Variants in PPARA observed in about 807,000 individuals in gnomAD.
PPARA encodes the protein peroxisome proliferator activated receptor alpha.
In PPARA, 22 loss-of-function variants were observed where a neutral mutation model predicts 42.2. The observed-to-expected ratio is 0.52, with a 90% CI of 0.37 to 0.74. The LOEUF (loss-of-function observed/expected upper bound fraction) is 0.74, where lower values mean the gene tolerates loss of function less well. Ranked by LOEUF, PPARA falls within the 30% of genes least tolerant of loss-of-function variation. PPARA has a pLI of 0.00. For synonymous variants in PPARA, 242 were observed against 239.3 expected, an observed-to-expected ratio of 1.01 and a Z score of -0.10; for missense variants, 465 against 608.2, an observed-to-expected ratio of 0.76 and a Z score of 2.48.
chr22:46,224,440 C>A lies in PPARA; in HGVS notation c.711+4426C>A, dbSNP rs1935242187. The stretch of plus-strand genomic sequence containing the variant: ...CCCTTACACATCTCAGAAAGCAACC[C>A]CATCTGTGGGCAAGAAATCTGTTAG... On this transcript the variant is annotated intron_variant, in intron 7 of 8. Coordinates refer to ENST00000407236, the MANE Select transcript of PPARA (RefSeq NM_005036.6). The surrounding 1 kb of genome is among the most constrained non-coding windows in gnomAD (Gnocchi z 5.7). Among the ~76,000 whole-genome samples, 1 of 152,190 alleles carries A rather than the reference C, an allele frequency of 6.6e-6. No homozygotes were observed. The highest frequency in any genetic ancestry group is 6.5e-5 in the Admixed American group (1 of 15,286).
chr22:46,197,895 A>C (rs1237862757), intron 3 of PPARA, among the ~76,000 whole-genome samples: 1 of 147,600 alleles, frequency 6.8e-6, no homozygotes, highest in Admixed American at 6.9e-5. Flanking sequence ...CAAGAGCAAG[A>C]CTCTATCTCA....
rs1926322521 is a variant in PPARA at position 46,162,374 on chromosome 22, T to G, written c.-127+10404T>G. 1.3e-5 allele frequency among the ~76,000 whole-genome samples: 2 copies of G among 152,128 alleles called. No homozygotes were observed. The highest frequency in any genetic ancestry group is 2.9e-5 in the Non-Finnish European group (2 of 68,018). ...CCGACACGCTGTCTACACAAACCCC[T>G]TCTGGTTCTTCTCGTGCACTGGGCG... On this transcript the variant is annotated intron_variant, in intron 2 of 8. Transcript: ENST00000407236. The surrounding 1 kb of genome is among the most constrained non-coding windows in gnomAD (Gnocchi z 6.0).
At chr22:46,223,156 A>G (rs1426802133) in intron 7 of PPARA, among the ~76,000 whole-genome samples, 1 of 152,086 alleles carries the variant, frequency 6.6e-6, no homozygotes, top group Non-Finnish European at 1.5e-5. Context: ...ACTCTCTAAA[A>G]AAAATTCGAA....
intron 3 of PPARA, among the ~76,000 whole-genome samples, chr22:46,186,279 T>C (rs1056636225): frequency 9.9e-5 from 15 of 152,064 alleles, no homozygotes; most frequent in African/African-American, 3.6e-4. Flanking sequence ...ATTGTCTTGG[T>C]TACTTGTAAG....
At position 46,219,202 on chromosome 22, in the gene PPARA, G is replaced by A. The variant is rs1424974107; in HGVS notation, c.509-610G>A. 1.3e-5 allele frequency among the ~76,000 whole-genome samples: 2 copies of A among 152,112 alleles called. No homozygotes were observed. The highest frequency in any genetic ancestry group is 2.9e-5 in the Non-Finnish European group (2 of 68,024). On this transcript the variant is annotated intron_variant, in intron 6 of 8. Coordinates refer to ENST00000407236, the MANE Select transcript of PPARA (RefSeq NM_005036.6). The surrounding 1 kb of genome is among the most constrained non-coding windows in gnomAD (Gnocchi z 4.8). ...AAAAGAAAAAGTCTCAAATAGCTGAGATTCAGTGGTGCATTGGACTCGCTG... is the reference window on the plus strand; with the variant it reads ...AAAAGAAAAAGTCTCAAATAGCTGAAATTCAGTGGTGCATTGGACTCGCTG...
At position 46,165,794 on chromosome 22, in the gene PPARA, C is replaced by G. The variant is rs1926957927; in HGVS notation, c.-126-10959C>G. 2.0e-5 allele frequency among the ~76,000 whole-genome samples: 3 copies of G among 152,324 alleles called. No individual in the cohort carries two copies. In the South Asian group the frequency reaches 6.2e-4, roughly 32 times the overall value. On this transcript the variant is annotated intron_variant, in intron 2 of 8. Transcript: ENST00000407236. This position sits in a 1 kb window ranked among gnomAD's most constrained non-coding sequence, Gnocchi z 5.5. ...CCTTCTGGAGGAACAGAGCCTCATC[C>G]TAGGCCTCTAATTATTTTTAAGGAC...
At chr22:46,199,660 C>T (rs1033499276) in intron 4 of PPARA, among the ~76,000 whole-genome samples, 3 of 151,996 alleles carry the variant, frequency 2.0e-5, no homozygotes, top group African/African-American at 4.8e-5. Context: ...TTTTTTTAAG[C>T]AACATTGAAT....
chr22:46,215,436 C>A, intron 5 of PPARA, 103 bp downstream of exon 5: 2 of 1,498,718 alleles, frequency 1.3e-6, no homozygotes, highest in East Asian at 2.3e-5. Flanking sequence ...CAGAAAGTCC[C>A]GGATAAGAAA....
rs924489435 is a variant in PPARA at position 46,195,419 on chromosome 22, G to C, written c.-42-2923G>C. Reference sequence around the variant, plus strand: ...AGTCCCAGCCTGACTTATGCTAGTAGGTTACAGAGAAAGAAAGTCTTCTAA... The same window carrying C: ...AGTCCCAGCCTGACTTATGCTAGTACGTTACAGAGAAAGAAAGTCTTCTAA... On this transcript the variant is annotated intron_variant, in intron 3 of 8. Coordinates refer to ENST00000407236, the MANE Select transcript of PPARA (RefSeq NM_005036.6). This position sits in a 1 kb window ranked among gnomAD's most constrained non-coding sequence, Gnocchi z 4.6. Among the ~76,000 whole-genome samples the C allele has an allele frequency of 1.3e-5, 2 of 152,122 alleles. No individual in the cohort carries two copies. The highest frequency in any genetic ancestry group is 4.8e-5 in the African/African-American group (2 of 41,406).
chr22:46,170,802 G>A (rs976280093), intron 2 of PPARA, among the ~76,000 whole-genome samples: 1 of 151,586 alleles, frequency 6.6e-6, no homozygotes, highest in Non-Finnish European at 1.5e-5. Context: ...GAGAGGAAAG[G>A]CATCTGTACT....
rs571817655 is a variant in PPARA at position 46,237,610 on chromosome 22, CAA to C, written c.*2245_*2246del. On this transcript the variant is annotated 3_prime_UTR_variant, in exon 9 of 9. Transcript: ENST00000407236. The surrounding 1 kb of genome is among the most constrained non-coding windows in gnomAD (Gnocchi z 6.7). Reference sequence around the variant, plus strand: ...TAGATTCCACCCTCTCCCACCCCGGCAAAAAAAAAAAAAAAAGATGCAATCAA... The same window carrying C: ...TAGATTCCACCCTCTCCCACCCCGGCAAAAAAAAAAAAAAGATGCAATCAA... 65 of 105,776 alleles carry C rather than the reference CAA, an allele frequency of 6.1e-4. No homozygotes were observed. Among genetic ancestry groups the C allele is most frequent in the Middle Eastern group, 5.5e-3 (1 of 182 alleles). 6.6% of individuals were successfully genotyped at this position (105,776 alleles called of 1,614,324 possible). A position where few individuals can be genotyped will look rare whatever the true frequency, so the allele number is the denominator to read the frequency against.
chr22:46,193,217 C>G lies in PPARA; in HGVS notation c.-42-5125C>G, dbSNP rs1931797282. 6.6e-6 allele frequency among the ~76,000 whole-genome samples: 1 copy of G among 152,110 alleles called. No individual in the cohort carries two copies. The highest frequency in any genetic ancestry group is 1.5e-5 in the Non-Finnish European group (1 of 68,022). ...AAATAGCTGGGATTATGGGCACGCG[C>G]CACCACACCTGGCTAATGTTTGTAT... On this transcript the variant is annotated intron_variant, in intron 3 of 8. Transcript: ENST00000407236. The surrounding 1 kb of genome is among the most constrained non-coding windows in gnomAD (Gnocchi z 5.3).
chr22:46,209,940 T>C (rs1375929014), intron 4 of PPARA, among the ~76,000 whole-genome samples: 1 of 152,260 alleles, frequency 6.6e-6, no homozygotes, highest in East Asian at 1.9e-4. Context: ...GAGACGGGTC[T>C]CACTTTGTTG....
chr22:46,164,454 T>C (rs1288213238), intron 2 of PPARA: 3 of 152,220 alleles, frequency 2.0e-5, no homozygotes, highest in South Asian at 2.1e-4. Context: ...GTTTTCGCTA[T>C]GTTGGCCAAG....
chr22:46,218,982 C>A (rs1476212552), intron 6 of PPARA, among the ~76,000 whole-genome samples: 2 of 151,250 alleles, frequency 1.3e-5, no homozygotes, highest in Admixed American at 6.6e-5. Flanking sequence ...GCGAACATGG[C>A]AAAACCCCGT....
intron 2 of PPARA, among the ~76,000 whole-genome samples, chr22:46,157,953 C>T (rs112163124): frequency 2.6e-5 from 4 of 152,218 alleles, no homozygotes; most frequent in African/African-American, 4.8e-5. Context: ...AGCCAACTTT[C>T]GAAAGAGCAT....
chr22:46,228,108 C>T (rs1341730292), intron 7 of PPARA, among the ~76,000 whole-genome samples: 1 of 152,252 alleles, frequency 6.6e-6, no homozygotes, highest in East Asian at 1.9e-4. Context: ...TACGAGAGTA[C>T]ATCCCCATAG....
Position 46,195,788 on chromosome 22 carries a change from G to A in PPARA, c.-42-2554G>A, listed in dbSNP as rs146795493. Among the ~76,000 whole-genome samples, 2 of 152,256 alleles carry A rather than the reference G, an allele frequency of 1.3e-5. No individual in the cohort carries two copies. Among genetic ancestry groups the A allele is most frequent in the South Asian group, 2.1e-4 (1 of 4,828 alleles). The stretch of plus-strand genomic sequence containing the variant: ...ATGACGGCTGCCCTGACAGTGGCTG[G>A]TAGCAGCACATACCCCCGAGCCTCT... On this transcript the variant is annotated intron_variant, in intron 3 of 8. Transcript: ENST00000407236. This position sits in a 1 kb window ranked among gnomAD's most constrained non-coding sequence, Gnocchi z 4.6.
rs1933991294 is a variant in PPARA, at chr22:46,212,067, C to T, written c.209-3106C>T. 6.7e-6 allele frequency among the ~76,000 whole-genome samples: 1 copy of T among 149,968 alleles called. No homozygotes were observed. Among genetic ancestry groups the T allele is most frequent in the African/African-American group, 2.5e-5 (1 of 40,680 alleles). ...CCTCTCCTCTCTTCTCCTCTCCTCTCCTTTGATGGAGGTCTCACTGTGACA... is the reference window on the plus strand; with the variant it reads ...CCTCTCCTCTCTTCTCCTCTCCTCTTCTTTGATGGAGGTCTCACTGTGACA... On this transcript the variant is annotated intron_variant, in intron 4 of 8. Transcript: ENST00000407236. The surrounding 1 kb of genome is among the most constrained non-coding windows in gnomAD (Gnocchi z 4.2).
Sources: gnomAD v4.1 joint callset for allele counts (sites outside exome capture counted in the v4.1 genomes callset) on GRCh38, gnomAD v4.1.1 for gene constraint, Gnocchi (gnomAD v3.1) non-coding constraint, MANE v1.5 for transcripts, NCBI Gene and HGNC (gene_info 2026-07-23, HGNC 2026-07-21) for gene names.